MACROD2: variants seen among roughly 807,000 people sequenced by gnomAD.
The protein encoded by MACROD2 is mono-ADP ribosylhydrolase 2.
Under a neutral mutation model 70.4 loss-of-function variants are expected in MACROD2, and 36 were observed. The observed-to-expected ratio is 0.51, with a 90% CI of 0.39 to 0.68. The LOEUF is 0.68. Among genes scored for constraint, MACROD2 ranks in the 30% least tolerant of loss-of-function variants. MACROD2 has a pLI of 0.00. For missense variants in MACROD2, 496 were observed against 538.4 expected, an observed-to-expected ratio of 0.92 and a Z score of 0.78; for synonymous variants, 172 against 178.8, an observed-to-expected ratio of 0.96 and a Z score of 0.30.
At chr20:15,657,985 C>T (rs990067351) in intron 8 of MACROD2, among the ~76,000 whole-genome samples, 16 of 152,246 alleles carry the variant, frequency 1.1e-4, no homozygotes, top group African/African-American at 3.9e-4. Context: ...AAGAGCTAAA[C>T]TCCATTTCAA....
intron 3 of MACROD2, among the ~76,000 whole-genome samples, chr20:14,467,436 C>A (rs1462211775): frequency 1.3e-5 from 2 of 152,122 alleles, no homozygotes; most frequent in African/African-American, 4.8e-5. Flanking sequence ...CCATCTGTCA[C>A]CCCTTTCTTT....
At chr20:15,221,749 G>A (rs571659208) in intron 5 of MACROD2, among the ~76,000 whole-genome samples, 5 of 152,180 alleles carry the variant, frequency 3.3e-5, no homozygotes, top group African/African-American at 1.2e-4. Flanking sequence ...TATAACGTGG[G>A]CTTAAAACAT....
At chr20:15,862,644 C>A in intron 8 of MACROD2, 101 bp from the exon 9 acceptor site, 5 of 878,816 alleles carry the variant, frequency 5.7e-6, no homozygotes, top group Non-Finnish European at 9.1e-6. Context: ...AACCAAAAAT[C>A]TGTATGAGGC....
chr20:14,716,578 C>T (rs1045740605), intron 5 of MACROD2, among the ~76,000 whole-genome samples: 1 of 152,142 alleles, frequency 6.6e-6, no homozygotes, highest in African/African-American at 2.4e-5. Context: ...ACCTTTTCCC[C>T]TTTCTTTTGT....
At chr20:14,028,158 G>A (rs192383238) in intron 2 of MACROD2, among the ~76,000 whole-genome samples, 17 of 152,306 alleles carry the variant, frequency 1.1e-4, no homozygotes, top group Admixed American at 7.2e-4. Context: ...GCGGCTCTGC[G>A]GAGCTGCAGT....
intron 3 of MACROD2, among the ~76,000 whole-genome samples, chr20:14,404,381 C>T (rs538001014): frequency 1.3e-5 from 2 of 152,128 alleles, no homozygotes; most frequent in African/African-American, 2.4e-5. Context: ...AATCCCAGCA[C>T]TTTGGAAGGC....
At chr20:15,635,667 C>T (rs2049352885) in intron 8 of MACROD2, among the ~76,000 whole-genome samples, 1 of 152,168 alleles carries the variant, frequency 6.6e-6, no homozygotes, top group Middle Eastern at 3.4e-3. Flanking sequence ...CCACTCATAC[C>T]CTAAGCCTCA....
At chr20:15,305,197 C>T (rs1039648191) in intron 6 of MACROD2, among the ~76,000 whole-genome samples, 1 of 152,054 alleles carries the variant, frequency 6.6e-6, no homozygotes, top group Non-Finnish European at 1.5e-5. Flanking sequence ...TTTATAATTA[C>T]ACAACTTTAG....
intron 3 of MACROD2, among the ~76,000 whole-genome samples, chr20:14,344,524 A>G (rs974302869): frequency 2.6e-5 from 4 of 152,190 alleles, no homozygotes; most frequent in Non-Finnish European, 4.4e-5. Flanking sequence ...AAAACATTTT[A>G]TAATTTTTTC....
At chr20:15,812,341 A>T (rs2063829893) in intron 8 of MACROD2, among the ~76,000 whole-genome samples, 1 of 152,236 alleles carries the variant, frequency 6.6e-6, no homozygotes. Context: ...CACAAAGTGC[A>T]AGAATAACTC....
chr20:14,619,412 G>A (rs1396321938), intron 4 of MACROD2, among the ~76,000 whole-genome samples: 3 of 8,632 alleles, frequency 3.5e-4, no homozygotes, highest in Non-Finnish European at 4.7e-4. Flanking sequence ...GAAGGAAGGA[G>A]GAAAGGAGGG....
chr20:14,294,538 G>A (rs74929798), intron 3 of MACROD2, among the ~76,000 whole-genome samples: 3,377 of 151,738 alleles, frequency 0.022, 69 homozygotes, highest in Non-Finnish European at 0.024. Context: ...AGTAGCTAAT[G>A]ACATTTTTGA....
intron 5 of MACROD2, among the ~76,000 whole-genome samples, chr20:14,986,804 C>A (rs2074853119): frequency 6.6e-6 from 1 of 152,176 alleles, no homozygotes; most frequent in South Asian, 2.1e-4. Context: ...CTCCCCGTCA[C>A]CTCCTCAGAA....
chr20:15,967,610 G>A lies in MACROD2; in HGVS notation c.965G>A (p.Arg322His), dbSNP rs763015539. The change falls in exon 13 of 18, where the codon CGT becomes CAT. Residue 322 changes from arginine to histidine, a missense_variant. Arg to His is a conservative substitution (Grantham distance 29). Transcript: ENST00000684519. ...KGGEVTDHSV[R>H]DQDHPDGQEN... is the part of the protein sequence containing the mutation. The stretch of plus-strand genomic sequence containing the variant: ...GGTGAAGTGACAGATCATTCTGTGC[G>A]TGACCAAGATCATCCCGATGGTAGG... 29 of 1,603,836 alleles carry A rather than the reference G, an allele frequency of 1.8e-5. No homozygotes were observed. Among genetic ancestry groups the A allele is most frequent in the East Asian group, 1.4e-4 (6 of 44,310 alleles).
chr20:15,093,779 C>A (rs1436021171), intron 5 of MACROD2, among the ~76,000 whole-genome samples: 1 of 152,144 alleles, frequency 6.6e-6, no homozygotes. Context: ...GCCCACAGAA[C>A]CCCTTTTGTG....
At chr20:16,002,782 T>C (rs2066728391) in intron 15 of MACROD2, among the ~76,000 whole-genome samples, 1 of 152,074 alleles carries the variant, frequency 6.6e-6, no homozygotes, top group Non-Finnish European at 1.5e-5. Context: ...CACTAAGTAA[T>C]TTACTGCAGC....
chr20:15,960,340 A>C (rs1410441865), intron 12 of MACROD2, among the ~76,000 whole-genome samples: 1 of 151,950 alleles, frequency 6.6e-6, no homozygotes, highest in Non-Finnish European at 1.5e-5. Flanking sequence ...TTTCCCTAAC[A>C]CTCCATAATT....
chr20:14,239,402 A>T (rs2081909218), intron 3 of MACROD2, among the ~76,000 whole-genome samples: 1 of 152,190 alleles, frequency 6.6e-6, no homozygotes, highest in Non-Finnish European at 1.5e-5. Flanking sequence ...AACAACAAAA[A>T]GCTTCAATAA....
chr20:13,995,588 C>A lies in MACROD2; in HGVS notation c.-176C>A. ...GGTGGGAGCCGGAGCCGAGCGCGGGCTGAGGGAGGAGGGCGGCGACTGGAG... is the reference window on the plus strand; with the variant it reads ...GGTGGGAGCCGGAGCCGAGCGCGGGATGAGGGAGGAGGGCGGCGACTGGAG... On this transcript the variant is annotated 5_prime_UTR_variant, in exon 1 of 18. In the 5' UTR this introduces an upstream ATG that the reference lacks. Coordinates refer to ENST00000684519, the MANE Select transcript of MACROD2 (RefSeq NM_001351661.2). This position sits in a 1 kb window ranked among gnomAD's most constrained non-coding sequence, Gnocchi z 4.3. The A allele has an allele frequency of 1.4e-6, 1 of 693,238 alleles. No individual in the cohort carries two copies. The highest frequency in any genetic ancestry group is 2.6e-6 in the Non-Finnish European group (1 of 381,090). 42.9% of individuals were successfully genotyped at this position (693,238 alleles called of 1,614,324 possible). A position where few individuals can be genotyped will look rare whatever the true frequency, so the allele number is the denominator to read the frequency against.
Sources: allele counts gnomAD v4.1 joint callset (sites outside exome capture counted in the v4.1 genomes callset), GRCh38; gene constraint gnomAD v4.1.1; non-coding constraint Gnocchi (gnomAD v3.1); transcripts MANE v1.5; gene names NCBI Gene and HGNC (gene_info 2026-07-23, HGNC 2026-07-21).